Variants in NLK observed in about 807,000 individuals in gnomAD.
NLK encodes serine/threonine-protein kinase NLK.
In NLK, 11 loss-of-function variants were observed where a neutral mutation model predicts 59.0. The observed-to-expected ratio is 0.19, with a 90% CI of 0.12 to 0.31. The LOEUF is 0.31. NLK is among the 10% of genes least tolerant of loss of function. The probability of loss-of-function intolerance (pLI) is 1.00; values close to 1 mark genes in which losing one functional copy is unlikely to be tolerated. For synonymous variants in NLK, 235 were observed against 235.9 expected (o/e 1.00, Z 0.03); for missense variants, 410 against 661.1 (o/e 0.62, Z 4.16).
intron 1 of NLK, among the ~76,000 whole-genome samples, chr17:28,066,989 A>T (rs1455237324): frequency 6.6e-6 from 1 of 152,240 alleles, no homozygotes; most frequent in East Asian, 1.9e-4. Context: ...CATATTCCGG[A>T]TATAAATCCT....
At chr17:28,197,517 G>A (rs1443706675), downstream of NLK, among the ~76,000 whole-genome samples, 13 of 151,164 alleles carry the variant, frequency 8.6e-5, no homozygotes, top group Admixed American at 8.6e-4. Context: ...ATAAGTATTT[G>A]AGAAAATATA....
chr17:28,188,510 C>T (rs1440771067), intron 8 of NLK, among the ~76,000 whole-genome samples: 1 of 152,150 alleles, frequency 6.6e-6, no homozygotes, highest in Non-Finnish European at 1.5e-5. Flanking sequence ...CAGGGTCTCA[C>T]TGTGTGACCC....
intron 1 of NLK, among the ~76,000 whole-genome samples, chr17:28,045,505 G>A (rs1010527195): frequency 6.6e-6 from 1 of 152,020 alleles, no homozygotes; most frequent in Admixed American, 6.6e-5. Context: ...CACGTGATTC[G>A]GGTCTTTGTT....
chr17:28,095,928 T>C (rs1170394502), intron 1 of NLK, among the ~76,000 whole-genome samples: 3 of 152,218 alleles, frequency 2.0e-5, no homozygotes, highest in Non-Finnish European at 2.9e-5. Context: ...GTGTTCTAAC[T>C]GTTGCACTTA....
Position 28,042,763 on chromosome 17 carries a change from A to G in NLK, c.-111A>G. 2.1e-6 allele frequency: 2 copies of G among 969,922 alleles called. No homozygotes were observed. Among genetic ancestry groups the G allele is most frequent in the African/African-American group, 3.3e-5 (2 of 60,912 alleles). 60.1% of individuals were successfully genotyped at this position (969,922 alleles called of 1,614,324 possible). ...AACTTGTTTGGATTGACTGATGAAG[A>G]CATAAAGCTCTATGTTTTTTGAGGT... On this transcript the variant is annotated 5_prime_UTR_variant, in exon 1 of 11. Transcript: ENST00000407008.
the NLK span, among the ~76,000 whole-genome samples, chr17:28,204,595 C>T: frequency 0.012 from 1,802 of 152,284 alleles, 32 homozygotes; most frequent in African/African-American, 0.041. Flanking sequence ...CACCATGTAT[C>T]ACACATTATT....
intron 3 of NLK, among the ~76,000 whole-genome samples, chr17:28,137,639 G>GT (rs1351835102): frequency 2.0e-5 from 3 of 152,052 alleles, no homozygotes; most frequent in African/African-American, 7.2e-5. Context: ...GTATCATGCA[G>GT]TTAATCATGT....
intron 1 of NLK, among the ~76,000 whole-genome samples, chr17:28,082,504 G>A (rs1910383585): frequency 6.6e-6 from 1 of 152,142 alleles, no homozygotes. Context: ...CTTTTTATCA[G>A]TTCCCTTTGT....
In NLK at chr17:28,168,604, G is replaced by T. The variant is rs1908339134; in HGVS notation, c.994G>T (p.Ala332Ser). The change falls in exon 6 of 11, where the codon GCA (alanine) becomes TCA (serine). Residue 332 changes from alanine (A) to serine (S), a missense_variant. This residue lies in a region of NLK where 150 missense variants were observed against 244.3 expected (regional missense o/e 0.61). Transcript: ENST00000407008. ...IDIWSVGCIF[A>S]ELLGRRILFQ... ...CATCTGGTCTGTGGGATGTATCTTTGCAGAACTACTAGGACGAAGAATATT... is the reference window on the plus strand; with the variant it reads ...CATCTGGTCTGTGGGATGTATCTTTTCAGAACTACTAGGACGAAGAATATT... 1 of 1,613,880 alleles carries T rather than the reference G, an allele frequency of 6.2e-7. No individual in the cohort carries two copies. The highest frequency in any genetic ancestry group is 8.5e-7 in the Non-Finnish European group (1 of 1,179,844).
chr17:28,178,566 GTTC>G (rs1380152803), intron 7 of NLK, among the ~76,000 whole-genome samples: 3 of 152,140 alleles, frequency 2.0e-5, no homozygotes, highest in Admixed American at 2.0e-4. Flanking sequence ...TAGTCCTCTT[GTTC>G]TTCTCTTATA....
At position 28,161,285 on chromosome 17, in the gene NLK, GA is replaced by G; in HGVS notation, c.751+24del. On this transcript the variant is annotated intron_variant, in intron 4 of 10. Coordinates refer to ENST00000407008, the MANE Select transcript of NLK (RefSeq NM_016231.5). ...TTGCGAGGTAAGATTTCTTTATGAA[GA>G]AAAAGGTGCTGTCACACTGTAAATG... 2.3e-6 allele frequency: 3 copies of G among 1,324,420 alleles called. No individual in the cohort carries two copies. Among genetic ancestry groups the G allele is most frequent in the Non-Finnish European group, 2.2e-6 (2 of 916,664 alleles). 82.0% of individuals were successfully genotyped at this position (1,324,420 alleles called of 1,614,324 possible). A position where few individuals can be genotyped will look rare whatever the true frequency, so the allele number is the denominator to read the frequency against.
At chr17:28,095,307 G>A (rs758722396) in intron 1 of NLK, among the ~76,000 whole-genome samples, 7 of 152,174 alleles carry the variant, frequency 4.6e-5, no homozygotes, top group Non-Finnish European at 8.8e-5. Context: ...AACTTGGACA[G>A]CGGCCTGGAC....
At chr17:28,050,233 T>A (rs554111052) in intron 1 of NLK, among the ~76,000 whole-genome samples, 8 of 152,212 alleles carry the variant, frequency 5.3e-5, no homozygotes, top group Admixed American at 4.6e-4. Context: ...AATTCTTCAA[T>A]GAGTTTTAAG....
intron 8 of NLK, among the ~76,000 whole-genome samples, chr17:28,189,705 A>C (rs553579365): frequency 6.6e-6 from 1 of 152,360 alleles, no homozygotes; most frequent in East Asian, 1.9e-4. Context: ...TCCCAGTGGA[A>C]TCTCTAGGAA....
At chr17:28,123,377 G>A (rs1241764928) in intron 2 of NLK, among the ~76,000 whole-genome samples, 1 of 152,150 alleles carries the variant, frequency 6.6e-6, no homozygotes, top group Admixed American at 6.5e-5. Flanking sequence ...TGAGGGGCTT[G>A]GAAACCTGAG....
In NLK at chr17:28,194,612, C is replaced by A; in HGVS notation, c.1560C>A (p.Pro520=). Residue 520 remains proline (P), a synonymous_variant, in exon 11 of 11, where the codon CCC becomes CCA. Transcript: ENST00000407008. ...CTGTTGCTCAGCCATCTGAGATGCC[C>A]CCATCTCCTCTGGTGTGGGAGTGAT... The part of the protein sequence containing the change: ...SSTVAQPSEM[P]PSPLVWE 1 of 1,598,018 alleles carries A rather than the reference C, an allele frequency of 6.3e-7. No homozygotes were observed. Among genetic ancestry groups the A allele is most frequent in the South Asian group, 1.1e-5 (1 of 89,526 alleles).
At chr17:28,202,982 A>G in the NLK span, among the ~76,000 whole-genome samples, 1 of 151,248 alleles carries the variant, frequency 6.6e-6, no homozygotes, top group Non-Finnish European at 1.5e-5. Context: ...GCGCCCGGCC[A>G]TTTCTTCTTT....
intron 3 of NLK, among the ~76,000 whole-genome samples, chr17:28,143,283 C>G (rs1014722034): frequency 5.9e-5 from 9 of 152,066 alleles, no homozygotes; most frequent in Non-Finnish European, 1.2e-4. Context: ...ACCTCATGAT[C>G]CGCCCGCCTC....
chr17:28,163,525 A>G lies in NLK; in HGVS notation c.752-18A>G. The G allele has an allele frequency of 6.8e-7, 1 of 1,465,876 alleles. No homozygotes were observed. The highest frequency in any genetic ancestry group is 1.8e-5 in the Admixed American group (1 of 55,368). The allele number at this position is 1,465,876 out of a possible 1,614,324, so 90.8% of individuals were successfully genotyped here. A position where few individuals can be genotyped will look rare whatever the true frequency, so the allele number is the denominator to read the frequency against. ...AAAGGAATTAAATATCTGCAATTAA[A>G]TCTGTTTGTTATTTCAGGTTTGAAA... On this transcript the variant is annotated intron_variant, in intron 4 of 10. Transcript: ENST00000407008.
Sources: gnomAD v4.1 joint callset for allele counts (sites outside exome capture counted in the v4.1 genomes callset) on GRCh38, gnomAD v4.1.1 for gene constraint, gnomAD v4.1.1 regional missense constraint, MANE v1.5 for transcripts, NCBI Gene and HGNC (gene_info 2026-07-23, HGNC 2026-07-21) for gene names.